The following BCKDHB variants were observed in gnomAD, a reference collection of about 807,000 sequenced individuals.
The protein encoded by BCKDHB is 2-oxoisovalerate dehydrogenase subunit beta, mitochondrial.
In BCKDHB, 41 loss-of-function variants were observed where a neutral mutation model predicts 48.5. The observed-to-expected ratio is 0.85, with a 90% confidence interval of 0.66 to 1.10. The LOEUF (loss-of-function observed/expected upper bound fraction) is 1.10. BCKDHB is among the 50% of genes least tolerant of loss of function. The pLI, the probability that BCKDHB is intolerant of heterozygous loss-of-function variation, is 0.00. For missense variants in BCKDHB, 496 were observed against 494.2 expected (o/e 1.00, Z -0.03); for synonymous variants, 201 against 174.8 (o/e 1.15, Z -1.18).
At chr6:80,418,685 G>T in the BCKDHB span, among the ~76,000 whole-genome samples, 8 of 152,142 alleles carry the variant, frequency 5.3e-5, no homozygotes, top group Admixed American at 2.0e-4. Context: ...AAGTGCTTCT[G>T]GATCACTAAT....
rs527396450 is a variant in BCKDHB, at chr6:80,200,481, G to A, written c.743-453G>A. 1.7e-4 allele frequency among the ~76,000 whole-genome samples: 26 copies of A among 152,184 alleles called. No homozygotes were observed. In the South Asian group the frequency reaches 4.8e-3, roughly 28 times the overall value. On this transcript the variant is annotated intron_variant, in intron 6 of 9. Coordinates refer to ENST00000320393, the MANE Select transcript of BCKDHB (RefSeq NM_183050.4). ...TGAGAACTTAATTCAGTTTAATAAA[G>A]TTTTATCACATGTAATAACAATTTT...
the BCKDHB span, among the ~76,000 whole-genome samples, chr6:80,452,814 A>T: frequency 6.6e-6 from 1 of 152,224 alleles, no homozygotes; most frequent in Non-Finnish European, 1.5e-5. Flanking sequence ...TCAAGGATAA[A>T]TAAAATCTCA....
At chr6:80,146,169 C>T (rs1562085764) in intron 3 of BCKDHB, among the ~76,000 whole-genome samples, 1 of 152,030 alleles carries the variant, frequency 6.6e-6, no homozygotes, top group Non-Finnish European at 1.5e-5. Flanking sequence ...CCAAGTGATT[C>T]AAATGTGCGG....
the BCKDHB span, among the ~76,000 whole-genome samples, chr6:80,368,760 C>T: frequency 2.0e-5 from 3 of 151,908 alleles, no homozygotes; most frequent in Admixed American, 6.6e-5. Flanking sequence ...CCTGTAATCC[C>T]AGCATTTTGG....
At chr6:80,270,896 A>G (rs955446859) in intron 8 of BCKDHB, among the ~76,000 whole-genome samples, 2 of 152,108 alleles carry the variant, frequency 1.3e-5, no homozygotes, top group Admixed American at 1.3e-4. Flanking sequence ...TTTTTTGAGA[A>G]GATTATAACT....
At chr6:80,124,054 A>G (rs1770197539) in intron 1 of BCKDHB, among the ~76,000 whole-genome samples, 1 of 152,058 alleles carries the variant, frequency 6.6e-6, no homozygotes. Context: ...CCCTCTCCAC[A>G]CTGCTTTAAA....
chr6:80,292,186 C>G (rs993891373), intron 9 of BCKDHB, among the ~76,000 whole-genome samples: 4 of 152,154 alleles, frequency 2.6e-5, no homozygotes, highest in Admixed American at 2.6e-4. Context: ...TTTATTGGCT[C>G]TATAAGTTAA....
intron 9 of BCKDHB, among the ~76,000 whole-genome samples, chr6:80,278,023 T>C (rs377133442): frequency 1.9e-4 from 29 of 152,274 alleles, no homozygotes; most frequent in African/African-American, 6.3e-4. Flanking sequence ...AAGATATCAA[T>C]CTGAAAAGAG....
chr6:80,430,390 G>A, the BCKDHB span, among the ~76,000 whole-genome samples: 8 of 152,150 alleles, frequency 5.3e-5, no homozygotes, highest in African/African-American at 1.9e-4. Flanking sequence ...AATGAGTTAT[G>A]GAGGATTTGC....
chr6:80,229,109 G>A (rs1361428326), intron 8 of BCKDHB, among the ~76,000 whole-genome samples: 2 of 152,072 alleles, frequency 1.3e-5, no homozygotes, highest in Non-Finnish European at 2.9e-5. Flanking sequence ...GCACCTTCTG[G>A]GACCATGTGT....
At chr6:80,255,379 C>G (rs1777006555) in intron 8 of BCKDHB, among the ~76,000 whole-genome samples, 1 of 152,066 alleles carries the variant, frequency 6.6e-6, no homozygotes, top group Non-Finnish European at 1.5e-5. Context: ...TAATTCATTC[C>G]TTTGTTTCTA....
the BCKDHB span, among the ~76,000 whole-genome samples, chr6:80,363,067 G>C: frequency 1.3e-5 from 2 of 152,016 alleles, no homozygotes; most frequent in African/African-American, 2.4e-5. Flanking sequence ...GTTTATTTCA[G>C]TGCAAGCTTA....
rs1450743926 is a variant in BCKDHB at position 80,261,293 on chromosome 6, G to T, written c.952-11842G>T. On this transcript the variant is annotated intron_variant, in intron 8 of 9. Coordinates refer to ENST00000320393, the MANE Select transcript of BCKDHB (RefSeq NM_183050.4). ...GACTTTGGGAAAGGACAAATGGAAG[G>T]ATAGGAGGAAAGCACGTCCATGCTC... Among the ~76,000 whole-genome samples, 4 of 152,092 alleles carry T rather than the reference G, an allele frequency of 2.6e-5. No homozygotes were observed. The East Asian group carries it at 7.7e-4, about 29-fold the overall frequency.
chr6:80,119,461 G>A (rs1363412557), intron 1 of BCKDHB, among the ~76,000 whole-genome samples: 1 of 152,080 alleles, frequency 6.6e-6, no homozygotes, highest in Non-Finnish European at 1.5e-5. Flanking sequence ...TGGGATTACA[G>A]GTGTGCACCA....
chr6:80,238,746 C>A, intron 8 of BCKDHB, among the ~76,000 whole-genome samples: 1 of 125,620 alleles, frequency 8.0e-6, no homozygotes, highest in African/African-American at 2.5e-5. Context: ...GCTATCCCTC[C>A]CCCCTCCTCC....
chr6:80,329,837 A>G (rs1243150157), intron 9 of BCKDHB, among the ~76,000 whole-genome samples: 1 of 152,142 alleles, frequency 6.6e-6, no homozygotes, highest in African/African-American at 2.4e-5. Flanking sequence ...GTTAGTCTCT[A>G]TCACAGACCC....
At chr6:80,292,592 A>G (rs959006647) in intron 9 of BCKDHB, among the ~76,000 whole-genome samples, 18 of 152,106 alleles carry the variant, frequency 1.2e-4, no homozygotes, top group African/African-American at 4.3e-4. Context: ...GCCAAACCAT[A>G]TCATTCCACC....
chr6:80,391,994 T>A, the BCKDHB span, among the ~76,000 whole-genome samples: 1 of 152,102 alleles, frequency 6.6e-6, no homozygotes. Context: ...TTTATTTTTA[T>A]TATTATTGTT....
intron 8 of BCKDHB, among the ~76,000 whole-genome samples, chr6:80,253,579 C>G (rs1776919727): frequency 6.6e-6 from 1 of 151,854 alleles, no homozygotes; most frequent in South Asian, 2.1e-4. Context: ...GCATAAACTT[C>G]CAAAGGAAAA....
Sources: gnomAD v4.1 joint callset for allele counts (sites outside exome capture counted in the v4.1 genomes callset) on GRCh38, gnomAD v4.1.1 for gene constraint, MANE v1.5 for transcripts, NCBI Gene and HGNC (gene_info 2026-07-23, HGNC 2026-07-21) for gene names.